SPATA13: variants seen among roughly 807,000 people sequenced by gnomAD.
SPATA13 encodes the protein spermatogenesis-associated protein 13.
SPATA13 carries 50 observed loss-of-function variants against 104.0 expected under a neutral mutation model. That is an observed-to-expected ratio of 0.48 (90% CI 0.38 to 0.61). SPATA13 has a LOEUF of 0.61. Among genes scored for constraint, SPATA13 ranks in the 20% least tolerant of loss-of-function variants. SPATA13 has a pLI of 0.00. For synonymous variants in SPATA13, 606 were observed against 667.5 expected (o/e 0.91, Z 1.42); for missense variants, 1,524 against 1,690.6 (o/e 0.90, Z 1.73).
chr13:24,251,383 C>A (rs998565145), intron 3 of SPATA13: 2 of 778,690 alleles, frequency 2.6e-6, no homozygotes, highest in Non-Finnish European at 3.1e-6. Flanking sequence ...ACCCTTGTGA[C>A]CCTGCATCTG....
chr13:24,123,434 G>T (rs1355155365), intron 3 of SPATA13: 20 of 1,416,212 alleles, frequency 1.4e-5, no homozygotes, highest in Non-Finnish European at 1.9e-5. Flanking sequence ...TCTGCAACAT[G>T]CATTCCATCT....
intron 1 of SPATA13, among the ~76,000 whole-genome samples, chr13:24,210,766 G>GTTTTTTTTTTTTTTTT (rs58789886): frequency 6.5e-5 from 9 of 137,482 alleles, no homozygotes; most frequent in Non-Finnish European, 9.3e-5. Flanking sequence ...GAATTTTAGG[G>GTTTTTTTTTTTTTTTT]TTTTTTTTTT....
chr13:24,301,056 C>A (rs1398731904), intron 12 of SPATA13, among the ~76,000 whole-genome samples: 1 of 152,088 alleles, frequency 6.6e-6, no homozygotes, highest in South Asian at 2.1e-4. Flanking sequence ...ATGCCCAGGC[C>A]GCATACCCAG....
intron 2 of SPATA13, among the ~76,000 whole-genome samples, chr13:24,000,074 G>T (rs1875884840): frequency 6.6e-6 from 1 of 152,206 alleles, no homozygotes; most frequent in Non-Finnish European, 1.5e-5. Flanking sequence ...CACAAAGATG[G>T]CATTTCACAC....
chr13:24,011,924 G>C lies in SPATA13; in HGVS notation c.-146-5743G>C, dbSNP rs1876485797. ...CTTCTTCTTTAAACTTGCAGCGGAG[G>C]CTTCAATGTGCACCTCCGCCTCCCC... is the stretch of plus-strand genomic sequence containing the variant. On this transcript the variant is annotated intron_variant, in intron 2 of 14. Coordinates refer to the SPATA13 transcript ENST00000424834. This position sits in a 1 kb window ranked among gnomAD's most constrained non-coding sequence, Gnocchi z 4.3. Among the ~76,000 whole-genome samples, 1 of 152,196 alleles carries C rather than the reference G, an allele frequency of 6.6e-6. No individual in the cohort carries two copies. The highest frequency in any genetic ancestry group is 2.4e-5 in the African/African-American group (1 of 41,460).
chr13:24,173,399 TGTG>T (rs1883075308), intron 1 of SPATA13, among the ~76,000 whole-genome samples: 2 of 132,870 alleles, frequency 1.5e-5, no homozygotes, highest in South Asian at 4.9e-4. Flanking sequence ...TGTGTGTGTG[TGTG>T]GTAGATTTCT....
chr13:24,000,277 G>A (rs1875893927), intron 2 of SPATA13, among the ~76,000 whole-genome samples: 1 of 150,294 alleles, frequency 6.7e-6, no homozygotes, highest in African/African-American at 2.5e-5. Flanking sequence ...TCTTGGGGCA[G>A]CTGAGGCATG....
At chr13:24,025,233 A>G (rs1248629944) in intron 3 of SPATA13, among the ~76,000 whole-genome samples, 3 of 151,996 alleles carry the variant, frequency 2.0e-5, no homozygotes, top group East Asian at 1.9e-4. Flanking sequence ...TCAAATTTGT[A>G]TGCATTCTCC....
chr13:24,037,423 T>C (rs144904059), intron 3 of SPATA13, among the ~76,000 whole-genome samples: 4,331 of 151,892 alleles, frequency 0.029, 83 homozygotes, highest in African/African-American at 0.054. Flanking sequence ...TATTTATCTA[T>C]TTGAGATAGA....
At chr13:24,064,753 C>A (rs1488873499) in intron 3 of SPATA13, among the ~76,000 whole-genome samples, 1 of 152,166 alleles carries the variant, frequency 6.6e-6, no homozygotes, top group African/African-American at 2.4e-5. Context: ...TGGGTGCCTT[C>A]TTAATCAGCG....
chr13:24,180,156 G>A (rs1868706650), intron 1 of SPATA13, among the ~76,000 whole-genome samples: 1 of 152,164 alleles, frequency 6.6e-6, no homozygotes. Context: ...ATTTAGGCCT[G>A]TGCTCTATTT....
At chr13:24,091,052 A>T (rs950718263) in intron 3 of SPATA13, among the ~76,000 whole-genome samples, 1 of 152,136 alleles carries the variant, frequency 6.6e-6, no homozygotes, top group African/African-American at 2.4e-5. Flanking sequence ...TAATGATGGG[A>T]GAGAGACTTC....
chr13:24,002,877 T>C (rs550191691), intron 2 of SPATA13, among the ~76,000 whole-genome samples: 3 of 152,342 alleles, frequency 2.0e-5, no homozygotes, highest in South Asian at 4.1e-4. Flanking sequence ...TGGTCATCCC[T>C]GGGTGATTGG....
chr13:24,251,476 C>A (rs1456019740), intron 3 of SPATA13: 1 of 985,274 alleles, frequency 1.0e-6, no homozygotes, highest in Non-Finnish European at 1.2e-6. Flanking sequence ...TGGCATGTTG[C>A]AGACAAGTGA....
rs182257823 is a variant in SPATA13 at position 24,191,600 on chromosome 13, C to G, written c.-112+30668C>G. ...TCTTGGCTCACTGCAAGCTCTGCCA[C>G]CTGGGTTCACGCCATTCTCCTGCCT... On this transcript the variant is annotated intron_variant, in intron 1 of 12. Coordinates refer to ENST00000382108, the MANE Select transcript of SPATA13 (RefSeq NM_001166271.3). Among the ~76,000 whole-genome samples the G allele has an allele frequency of 3.9e-4, 57 of 145,704 alleles. 1 individual carries two copies. The East Asian group carries it at 0.011, about 29-fold the overall frequency.
At chr13:24,225,466 CA>C (rs1410362525) in intron 2 of SPATA13, among the ~76,000 whole-genome samples, 2 of 152,250 alleles carry the variant, frequency 1.3e-5, no homozygotes, top group Non-Finnish European at 2.9e-5. Flanking sequence ...CGGCCTGTCA[CA>C]GCCTGGTTCT....
intron 2 of SPATA13, among the ~76,000 whole-genome samples, chr13:24,246,538 C>A (rs78259204): frequency 0.035 from 5,400 of 152,204 alleles, 290 homozygotes; most frequent in Admixed American, 0.14. Context: ...GTGCGTGTCT[C>A]TGTGTGTGAG....
At chr13:24,167,679 A>G (rs1882801825) in intron 1 of SPATA13, among the ~76,000 whole-genome samples, 1 of 152,228 alleles carries the variant, frequency 6.6e-6, no homozygotes. Flanking sequence ...TTACACACAC[A>G]CACACTCACT....
intron 1 of SPATA13, among the ~76,000 whole-genome samples, chr13:24,208,649 C>G: frequency 6.6e-6 from 1 of 152,278 alleles, no homozygotes; most frequent in Non-Finnish European, 1.5e-5. Flanking sequence ...CAGACATTCT[C>G]AGTTCATGCA....
Sources: allele counts gnomAD v4.1 joint callset (sites outside exome capture counted in the v4.1 genomes callset), GRCh38; gene constraint gnomAD v4.1.1; non-coding constraint Gnocchi (gnomAD v3.1); transcripts MANE v1.5; gene names NCBI Gene and HGNC (gene_info 2026-07-23, HGNC 2026-07-21).